Variants in MAGI2 observed in about 807,000 individuals in gnomAD.
The protein encoded by MAGI2 is membrane-associated guanylate kinase, WW and PDZ domain-containing protein 2.
In MAGI2, 35 loss-of-function variants were observed where a neutral mutation model predicts 133.3. The ratio of observed to expected loss-of-function variants is 0.26; its 90% CI spans 0.20 to 0.35. MAGI2 has a LOEUF of 0.35. Among genes scored for constraint, MAGI2 ranks in the 10% least tolerant of loss-of-function variants. The probability of loss-of-function intolerance (pLI) is 1.00; values close to 1 mark genes in which losing one functional copy is unlikely to be tolerated. For missense variants in MAGI2, 1,636 were observed against 1,863.4 expected (o/e 0.88, Z 2.25); for synonymous variants, 729 against 710.6 (o/e 1.03, Z -0.41).
intron 2 of MAGI2, among the ~76,000 whole-genome samples, chr7:78,719,870 TTAAA>T (rs1203576324): frequency 6.6e-6 from 1 of 152,178 alleles, no homozygotes; most frequent in Non-Finnish European, 1.5e-5. Flanking sequence ...AGTAAAAAGT[TTAAA>T]TAGAGGTGAT....
chr7:78,224,279 TG>T (rs1032532097), intron 10 of MAGI2, among the ~76,000 whole-genome samples: 4 of 152,210 alleles, frequency 2.6e-5, no homozygotes, highest in African/African-American at 9.6e-5. Context: ...TTTACCTATG[TG>T]ACTTGTGAGG....
At chr7:78,557,525 A>G (rs936246902) in intron 3 of MAGI2, among the ~76,000 whole-genome samples, 3 of 152,176 alleles carry the variant, frequency 2.0e-5, no homozygotes, top group Non-Finnish European at 4.4e-5. Context: ...CCTCTAGCCA[A>G]GTGATGGTAC....
At chr7:78,463,245 G>A (rs1321637112) in intron 6 of MAGI2, among the ~76,000 whole-genome samples, 1 of 152,216 alleles carries the variant, frequency 6.6e-6, no homozygotes, top group Non-Finnish European at 1.5e-5. Flanking sequence ...GAAAGCAGGA[G>A]AGACACCAAC....
intron 3 of MAGI2, among the ~76,000 whole-genome samples, chr7:78,525,010 C>T (rs1197610589): frequency 2.0e-5 from 3 of 151,596 alleles, no homozygotes; most frequent in Non-Finnish European, 4.4e-5. Context: ...AAACCTTTTA[C>T]TAATTAGACA....
At chr7:78,360,408 A>G (rs919096448) in intron 7 of MAGI2, among the ~76,000 whole-genome samples, 1 of 152,230 alleles carries the variant, frequency 6.6e-6, no homozygotes, top group African/African-American at 2.4e-5. Context: ...AGCCATTTTC[A>G]CTTTATGTGC....
At chr7:78,339,978 T>C (rs1347997896) in intron 9 of MAGI2, among the ~76,000 whole-genome samples, 1 of 152,224 alleles carries the variant, frequency 6.6e-6, no homozygotes, top group Non-Finnish European at 1.5e-5. Context: ...AATACAGCGT[T>C]GGTGATATTT....
chr7:78,523,649 G>A (rs1226690215), intron 3 of MAGI2, among the ~76,000 whole-genome samples: 2 of 152,122 alleles, frequency 1.3e-5, no homozygotes, highest in African/African-American at 4.8e-5. Context: ...TCACAAGGCA[G>A]CAGGAGGGAG....
At chr7:78,332,495 G>A (rs151073436) in intron 9 of MAGI2, among the ~76,000 whole-genome samples, 3 of 152,244 alleles carry the variant, frequency 2.0e-5, no homozygotes, top group Admixed American at 1.3e-4. Flanking sequence ...TCAGGAGATC[G>A]AGACCATCCT....
At chr7:78,104,323 C>T (rs190127602) in intron 20 of MAGI2, among the ~76,000 whole-genome samples, 5,972 of 151,838 alleles carry the variant, frequency 0.039, 131 homozygotes, top group East Asian at 0.065. Context: ...CCTGGGTTCG[C>T]GCCATTCTCC....
intron 21 of MAGI2, among the ~76,000 whole-genome samples, chr7:78,031,982 G>C (rs117301716): frequency 2.0e-5 from 3 of 146,810 alleles, no homozygotes; most frequent in Non-Finnish European, 4.5e-5. Flanking sequence ...CCCCAACAGT[G>C]TGTCCCCAGG....
At chr7:79,105,307 C>G (rs1818351790) in intron 1 of MAGI2, among the ~76,000 whole-genome samples, 1 of 152,136 alleles carries the variant, frequency 6.6e-6, no homozygotes, top group South Asian at 2.1e-4. Flanking sequence ...GCACAACTGA[C>G]TTATGGAACT....
intron 2 of MAGI2, among the ~76,000 whole-genome samples, chr7:78,660,164 C>T (rs775662932): frequency 2.0e-5 from 3 of 151,780 alleles, no homozygotes; most frequent in Non-Finnish European, 2.9e-5. Context: ...GGAGATATAC[C>T]TAATGTAAAT....
At chr7:78,049,594 T>A (rs1811802382) in intron 21 of MAGI2, among the ~76,000 whole-genome samples, 1 of 147,422 alleles carries the variant, frequency 6.8e-6, no homozygotes, top group African/African-American at 2.7e-5. Context: ...TCCTATGATG[T>A]TTTTTTTAAG....
intron 3 of MAGI2, among the ~76,000 whole-genome samples, chr7:78,536,733 A>G (rs1797968382): frequency 6.9e-6 from 1 of 145,636 alleles, no homozygotes; most frequent in Admixed American, 6.9e-5. Context: ...AAAAATTTCA[A>G]TAGTTTTTTT....
intron 9 of MAGI2, among the ~76,000 whole-genome samples, chr7:78,287,646 TG>T (rs1187528295): frequency 6.6e-6 from 1 of 152,178 alleles, no homozygotes; most frequent in Non-Finnish European, 1.5e-5. Flanking sequence ...GTCACCTGAG[TG>T]ATCTTTACCA....
At chr7:78,325,370 A>G (rs1335658049) in intron 9 of MAGI2, among the ~76,000 whole-genome samples, 1 of 152,202 alleles carries the variant, frequency 6.6e-6, no homozygotes, top group Non-Finnish European at 1.5e-5. Context: ...CCTTGTTCAC[A>G]TACTACCTGA....
intron 2 of MAGI2, among the ~76,000 whole-genome samples, chr7:78,734,670 C>A (rs1821678555): frequency 6.6e-6 from 1 of 152,172 alleles, no homozygotes; most frequent in Admixed American, 6.5e-5. Context: ...TATGTTTCCG[C>A]TTTCCTTCTT....
chr7:78,650,354 T>TC (rs1238480654), intron 2 of MAGI2, among the ~76,000 whole-genome samples: 1 of 152,148 alleles, frequency 6.6e-6, no homozygotes, highest in Non-Finnish European at 1.5e-5. Context: ...TAGACAGGCA[T>TC]CCAGGGCTAT....
intron 1 of MAGI2, among the ~76,000 whole-genome samples, chr7:79,212,597 G>A (rs915287256): frequency 1.3e-5 from 2 of 152,034 alleles, no homozygotes; most frequent in African/African-American, 2.4e-5. Flanking sequence ...TTAGTCTGAT[G>A]CAGCAGTAAA....
Sources: gnomAD v4.1 joint callset for allele counts (sites outside exome capture counted in the v4.1 genomes callset) on GRCh38, gnomAD v4.1.1 for gene constraint, MANE v1.5 for transcripts, NCBI Gene and HGNC (gene_info 2026-07-23, HGNC 2026-07-21) for gene names.